NHSL1: variants seen among roughly 807,000 people sequenced by gnomAD.
NHSL1 encodes NHS-like protein 1.
A neutral mutation model predicts 95.0 loss-of-function variants in NHSL1; 48 were observed. The ratio of observed to expected loss-of-function variants is 0.51; its 90% CI spans 0.40 to 0.64. NHSL1 has a LOEUF of 0.64. Ranked by LOEUF, NHSL1 falls within the 30% of genes least tolerant of loss-of-function variation. The probability of loss-of-function intolerance (pLI) is 0.00; values close to 1 mark genes in which losing one functional copy is unlikely to be tolerated. For missense variants in NHSL1, 1,971 were observed against 2,077.7 expected (o/e 0.95, Z 1.00); for synonymous variants, 783 against 833.9 (o/e 0.94, Z 1.05).
intron 1 of NHSL1, among the ~76,000 whole-genome samples, chr6:138,542,566 AG>A (rs2128325157): frequency 6.6e-6 from 1 of 152,342 alleles, no homozygotes; most frequent in East Asian, 1.9e-4. Flanking sequence ...ACAAAACATC[AG>A]TCTGTAATGG....
chr6:138,480,754 G>A (rs1239776463), intron 2 of NHSL1, among the ~76,000 whole-genome samples: 1 of 152,194 alleles, frequency 6.6e-6, no homozygotes, highest in African/African-American at 2.4e-5. Flanking sequence ...CAGTCATGAT[G>A]TACTGCTTCA....
At chr6:138,663,578 A>C (rs1243540631) in intron 1 of NHSL1, among the ~76,000 whole-genome samples, 1 of 151,230 alleles carries the variant, frequency 6.6e-6, no homozygotes, top group Non-Finnish European at 1.5e-5. Flanking sequence ...AAAAAAAAAA[A>C]AAATTTCTAG....
intron 1 of NHSL1, among the ~76,000 whole-genome samples, chr6:138,517,778 A>G (rs1359639146): frequency 6.6e-6 from 1 of 152,220 alleles, no homozygotes; most frequent in Non-Finnish European, 1.5e-5. Context: ...AGCATGCGCA[A>G]GTGTGGATGC....
At chr6:138,435,659 T>G (rs1776032601) in intron 5 of NHSL1, among the ~76,000 whole-genome samples, 1 of 152,060 alleles carries the variant, frequency 6.6e-6, no homozygotes, top group African/African-American at 2.4e-5. Flanking sequence ...ATGCTATAGA[T>G]GCATACGTCG....
intron 1 of NHSL1, among the ~76,000 whole-genome samples, chr6:138,626,269 A>C (rs1464829833): frequency 3.9e-5 from 6 of 152,192 alleles, no homozygotes; most frequent in Non-Finnish European, 8.8e-5. Flanking sequence ...AACCTCACTT[A>C]GCTTTTGGAA....
intron 1 of NHSL1, among the ~76,000 whole-genome samples, chr6:138,642,433 T>C (rs529323791): frequency 6.6e-6 from 1 of 152,212 alleles, no homozygotes; most frequent in South Asian, 2.1e-4. Context: ...TGAAGAACCA[T>C]CTAAGAGGAA....
chr6:138,648,126 T>C (rs951527442), intron 1 of NHSL1, among the ~76,000 whole-genome samples: 2 of 152,182 alleles, frequency 1.3e-5, no homozygotes, highest in African/African-American at 4.8e-5. Flanking sequence ...TTATAGCTGA[T>C]TAGCAAAATA....
chr6:138,459,112 C>G (rs747799027), intron 3 of NHSL1, among the ~76,000 whole-genome samples: 3 of 151,994 alleles, frequency 2.0e-5, no homozygotes, highest in Non-Finnish European at 4.4e-5. Flanking sequence ...CTCAGCCTGC[C>G]GAGTAGCTGG....
chr6:138,513,696 T>C lies in NHSL1; in HGVS notation c.17-17325A>G, dbSNP rs555182149. ...CCTTTTACCCACTCTCTTCCCATCA[T>C]CCTTCGGGTCTCAGATTAATTTGCC... On this transcript the variant is annotated intron_variant, in intron 1 of 4. Transcript: ENST00000342260. 2.6e-5 allele frequency among the ~76,000 whole-genome samples: 4 copies of C among 152,338 alleles called. No homozygotes were observed. In the East Asian group the frequency reaches 7.7e-4, roughly 29 times the overall value.
chr6:138,599,793 C>T (rs2114555801), intron 1 of NHSL1, among the ~76,000 whole-genome samples: 1 of 152,216 alleles, frequency 6.6e-6, no homozygotes, highest in Admixed American at 6.5e-5. Context: ...TAAATGCCTT[C>T]CCTGTTGGTG....
chr6:138,625,651 A>C (rs1784727824), intron 1 of NHSL1, among the ~76,000 whole-genome samples: 1 of 151,814 alleles, frequency 6.6e-6, no homozygotes, highest in South Asian at 2.1e-4. Context: ...TAAAAAAAAA[A>C]AAAAAAAAAT....
rs777241999 is a variant in NHSL1, at chr6:138,626,750, C to CG, written c.96+65725dup. Among the ~76,000 whole-genome samples, 71 of 117,324 alleles carry CG rather than the reference C, an allele frequency of 6.1e-4. 18 individuals are homozygous for CG. Among genetic ancestry groups the CG allele is most frequent in the Non-Finnish European group, 8.9e-4 (52 of 58,464 alleles). The allele number at this position is 117,324 out of a possible 152,430, so 77.0% of individuals were successfully genotyped here. A position where few individuals can be genotyped will look rare whatever the true frequency, so the allele number is the denominator to read the frequency against. On this transcript the variant is annotated intron_variant, in intron 1 of 3. Transcript: ENST00000491526. ...CTACTAAAAATACAAAAAAATTAGC[C>CG]GGGCGTAGTGGCGGGCGCCTGTCGT...
intron 1 of NHSL1, among the ~76,000 whole-genome samples, chr6:138,600,698 C>T (rs145361997): frequency 1.0e-3 from 158 of 152,206 alleles, no homozygotes; most frequent in African/African-American, 3.5e-3. Flanking sequence ...TTCTTAATGT[C>T]GTTGCTAAAC....
chr6:138,520,088 G>A (rs1274569601), intron 1 of NHSL1, among the ~76,000 whole-genome samples: 1 of 151,924 alleles, frequency 6.6e-6, no homozygotes, highest in Non-Finnish European at 1.5e-5. Context: ...TTTAAGGTTA[G>A]TGACAAAGAA....
chr6:138,480,497 C>G (rs1196476819), intron 2 of NHSL1, among the ~76,000 whole-genome samples: 1 of 152,120 alleles, frequency 6.6e-6, no homozygotes, highest in Non-Finnish European at 1.5e-5. Context: ...GTTCGGTAGG[C>G]CAGTTGTCAT....
intron 1 of NHSL1, among the ~76,000 whole-genome samples, chr6:138,545,011 A>G (rs1782732896): frequency 1.0e-5 from 1 of 97,928 alleles, no homozygotes. Context: ...TTTTTTTGAG[A>G]CCGAGTTTCA....
intron 3 of NHSL1, among the ~76,000 whole-genome samples, chr6:138,455,463 AG>A (rs1777523586): frequency 4.9e-4 from 11 of 22,522 alleles, no homozygotes; most frequent in South Asian, 3.5e-3. Context: ...ATGAGCTGCA[AG>A]GAGCCCCGCC....
chr6:138,621,551 CA>C (rs1198109626), intron 1 of NHSL1, among the ~76,000 whole-genome samples: 1 of 151,954 alleles, frequency 6.6e-6, no homozygotes, highest in African/African-American at 2.4e-5. Flanking sequence ...CAGTTCACTG[CA>C]ACCTCCACCT....
At chr6:138,435,905 C>A (rs1562268573) in intron 5 of NHSL1, among the ~76,000 whole-genome samples, 1 of 151,908 alleles carries the variant, frequency 6.6e-6, no homozygotes, top group Non-Finnish European at 1.5e-5. Flanking sequence ...GATCTGTGAC[C>A]AGTGATCTTT....
Sources: allele counts gnomAD v4.1 joint callset (sites outside exome capture counted in the v4.1 genomes callset), GRCh38; gene constraint gnomAD v4.1.1; transcripts MANE v1.5; gene names NCBI Gene and HGNC (gene_info 2026-07-23, HGNC 2026-07-21).